Variants in IQGAP1 observed in about 807,000 individuals in gnomAD.
IQGAP1 encodes the protein ras GTPase-activating-like protein IQGAP1.
Under a neutral mutation model 215.6 loss-of-function variants are expected in IQGAP1, and 66 were observed. The observed-to-expected ratio is 0.31, with a 90% CI of 0.25 to 0.38. IQGAP1 has a LOEUF of 0.38. Ranked by LOEUF, IQGAP1 falls within the 10% of genes least tolerant of loss-of-function variation. The pLI is 1.00. For synonymous variants in IQGAP1, 772 were observed against 728.7 expected, an observed-to-expected ratio of 1.06 and a Z score of -0.96; for missense variants, 1,712 against 1,997.1, an observed-to-expected ratio of 0.86 and a Z score of 2.72.
rs572208415 is a variant in IQGAP1 at position 90,484,501 on chromosome 15, C to A, written c.3921+149C>A. The A allele has an allele frequency of 4.6e-5, 29 of 625,152 alleles. No homozygotes were observed. The East Asian group carries it at 8.3e-4, about 18-fold the overall frequency. The allele number at this position is 625,152 out of a possible 1,614,324, so 38.7% of individuals were successfully genotyped here. A position where few individuals can be genotyped will look rare whatever the true frequency, so the allele number is the denominator to read the frequency against. On this transcript the variant is annotated intron_variant, in intron 30 of 37. Coordinates refer to ENST00000268182, the MANE Select transcript of IQGAP1 (RefSeq NM_003870.4). ...GATGTCTCTTTTTTTGCTTGTTATT[C>A]TTTTTTGTTTATTTATTTATTTTTT...
At chr15:90,477,943 T>G in intron 26 of IQGAP1, 54 bp downstream of exon 26, 1 of 1,122,256 alleles carries the variant, frequency 8.9e-7, no homozygotes, top group South Asian at 1.3e-5. Flanking sequence ...CTTTCCCTCT[T>G]TTTTCCCCTC....
intron 2 of IQGAP1, chr15:90,391,522 G>T (rs12437506): frequency 0.018 from 2,718 of 152,362 alleles, 60 homozygotes; most frequent in East Asian, 0.11. Flanking sequence ...TTTCACTTAT[G>T]CTTCATGAAT....
At chr15:90,392,993 T>C (rs2601191) in intron 2 of IQGAP1, among the ~76,000 whole-genome samples, 102,580 of 151,716 alleles carry the variant, frequency 0.68, 36,922 homozygotes, top group African/African-American at 0.92. Context: ...GATCCGCCCG[T>C]CTCAGCCTCC....
chr15:90,443,152 G>A (rs1198900004), intron 8 of IQGAP1, among the ~76,000 whole-genome samples: 1 of 152,118 alleles, frequency 6.6e-6, no homozygotes, highest in Non-Finnish European at 1.5e-5. Flanking sequence ...GTAGAGATGG[G>A]GTCTCGCTAT....
intron 35 of IQGAP1, 101 bp from the exon 36 acceptor site, chr15:90,494,612 G>A (rs897528344): frequency 2.1e-6 from 2 of 971,946 alleles, no homozygotes; most frequent in African/African-American, 3.3e-5. Context: ...TTATGCTTAT[G>A]TCTGGAAGTT....
chr15:90,493,153 G>A (rs1046471698), intron 35 of IQGAP1, among the ~76,000 whole-genome samples: 4 of 151,594 alleles, frequency 2.6e-5, no homozygotes, highest in African/African-American at 7.3e-5. Context: ...TGAGGCAGGA[G>A]AATTACCTGA....
At chr15:90,408,890 C>T (rs1369540505) in intron 2 of IQGAP1, among the ~76,000 whole-genome samples, 1 of 152,142 alleles carries the variant, frequency 6.6e-6, no homozygotes, top group African/African-American at 2.4e-5. Flanking sequence ...CTCTTGGGCT[C>T]CAGCCATCCC....
chr15:90,471,400 AAG>A (rs1965902319), intron 18 of IQGAP1, among the ~76,000 whole-genome samples: 1 of 152,124 alleles, frequency 6.6e-6, no homozygotes, highest in Non-Finnish European at 1.5e-5. Context: ...GAGAGCAAAA[AAG>A]GTGTACTGTC....
chr15:90,388,906 AGTT>A (rs1322246614), intron 1 of IQGAP1, among the ~76,000 whole-genome samples: 1 of 152,160 alleles, frequency 6.6e-6, no homozygotes, highest in Non-Finnish European at 1.5e-5. Context: ...TCTCGGGCTT[AGTT>A]CCCTCCTCAA....
At chr15:90,404,979 T>A (rs1456242374) in intron 2 of IQGAP1, among the ~76,000 whole-genome samples, 1 of 152,228 alleles carries the variant, frequency 6.6e-6, no homozygotes, top group Admixed American at 6.5e-5. Flanking sequence ...TTTTGCATGA[T>A]TTTTAAAGAG....
intron 2 of IQGAP1, among the ~76,000 whole-genome samples, chr15:90,392,252 A>G (rs1006758741): frequency 1.3e-5 from 2 of 152,206 alleles, no homozygotes; most frequent in African/African-American, 2.4e-5. Context: ...GTGATGACTT[A>G]AGTGAGGAGG....
intron 15 of IQGAP1, among the ~76,000 whole-genome samples, chr15:90,457,845 A>G (rs903211484): frequency 1.3e-5 from 2 of 152,214 alleles, no homozygotes; most frequent in African/African-American, 2.4e-5. Flanking sequence ...TAGGGAACAC[A>G]TATATGAAGC....
At chr15:90,466,493 GA>G in intron 17 of IQGAP1, 57 bp downstream of exon 17, 4 of 1,187,832 alleles carry the variant, frequency 3.4e-6, no homozygotes, top group Non-Finnish European at 5.0e-6. Flanking sequence ...TATATGAGGG[GA>G]CAGATGTAGA....
At chr15:90,405,828 T>G (rs1344592017) in intron 2 of IQGAP1, among the ~76,000 whole-genome samples, 1 of 152,120 alleles carries the variant, frequency 6.6e-6, no homozygotes. Context: ...TTTACTTTAT[T>G]TTTTATTTTT....
chr15:90,400,125 T>G lies in IQGAP1; in HGVS notation c.155+9252T>G, dbSNP rs141548313. Among the ~76,000 whole-genome samples the G allele has an allele frequency of 3.8e-3, 580 of 151,788 alleles. 3 individuals carry two copies. Among genetic ancestry groups the G allele is most frequent in the African/African-American group, 0.014 (557 of 41,146 alleles). ...TTGCTATTGGCTTAGCAATTTTGCC[T>G]GCAATGTGGAGACTCTTCTTGGTTT... On this transcript the variant is annotated intron_variant, in intron 2 of 37. Transcript: ENST00000268182.
chr15:90,395,660 A>G (rs1964708471), intron 2 of IQGAP1, among the ~76,000 whole-genome samples: 1 of 152,178 alleles, frequency 6.6e-6, no homozygotes. Context: ...ATACCGTTTC[A>G]CTCAGTTGAA....
intron 2 of IQGAP1, among the ~76,000 whole-genome samples, chr15:90,396,677 G>T (rs1037814925): frequency 3.3e-5 from 5 of 152,076 alleles, no homozygotes; most frequent in African/African-American, 1.2e-4. Context: ...TAGTGCAACG[G>T]CCTTGGACAG....
At chr15:90,462,714 T>A (rs1965780759) in intron 15 of IQGAP1, among the ~76,000 whole-genome samples, 1 of 152,148 alleles carries the variant, frequency 6.6e-6, no homozygotes. Flanking sequence ...CCTTTTCCTG[T>A]GTTTGTGGCT....
chr15:90,482,382 G>T (rs1966071539), intron 28 of IQGAP1, 101 bp downstream of exon 28: 3 of 1,081,358 alleles, frequency 2.8e-6, no homozygotes, highest in Non-Finnish European at 4.2e-6. Flanking sequence ...GTAGGTTCTG[G>T]CAGTAGCTTA....
Sources: allele counts gnomAD v4.1 joint callset (sites outside exome capture counted in the v4.1 genomes callset), GRCh38; gene constraint gnomAD v4.1.1; transcripts MANE v1.5; gene names NCBI Gene and HGNC (gene_info 2026-07-23, HGNC 2026-07-21).